Variants in ARHGAP26 observed in about 807,000 individuals in gnomAD.
ARHGAP26 encodes the protein Rho GTPase activating protein 26.
In ARHGAP26, 38 loss-of-function variants were observed where a neutral mutation model predicts 104.8. That is an observed-to-expected ratio of 0.36 (90% confidence interval 0.28 to 0.48). The LOEUF (loss-of-function observed/expected upper bound fraction) is 0.48, where lower values mean the gene tolerates loss of function less well. Among genes scored for constraint, ARHGAP26 ranks in the 20% least tolerant of loss-of-function variants. ARHGAP26 has a pLI of 0.99. For missense variants in ARHGAP26, 704 were observed against 947.9 expected, an observed-to-expected ratio of 0.74 and a Z score of 3.38; for synonymous variants, 341 against 340.0, an observed-to-expected ratio of 1.00 and a Z score of -0.03.
intron 11 of ARHGAP26, among the ~76,000 whole-genome samples, chr5:142,963,576 C>T (rs1770773779): frequency 6.6e-6 from 1 of 152,088 alleles, no homozygotes; most frequent in Non-Finnish European, 1.5e-5. Flanking sequence ...ACCGTACTTA[C>T]AAAACAAATT....
In ARHGAP26 at chr5:143,088,477, A is replaced by AG. The variant is rs373462759; in HGVS notation, c.1538+30730_1538+30731insG. 3.5e-3 allele frequency among the ~76,000 whole-genome samples: 526 copies of AG among 152,284 alleles called. 5 individuals carry two copies. Among genetic ancestry groups the AG allele is most frequent in the African/African-American group, 0.011 (477 of 41,528 alleles). On this transcript the variant is annotated intron_variant, in intron 17 of 22. Transcript: ENST00000645722. ...GGGTTTGGACCAAATTGTTAAAAAA[A>AG]AAAAGTGGTTATGTCTTTATTATTT...
intron 1 of ARHGAP26, among the ~76,000 whole-genome samples, chr5:142,786,153 T>C (rs973768487): frequency 1.3e-5 from 2 of 151,876 alleles, no homozygotes; most frequent in East Asian, 3.9e-4. Context: ...AAACATTTTT[T>C]TTTTTTTTTG....
chr5:143,139,935 G>A (rs1300860551), intron 19 of ARHGAP26, among the ~76,000 whole-genome samples: 1 of 152,218 alleles, frequency 6.6e-6, no homozygotes, highest in Non-Finnish European at 1.5e-5. Context: ...GTACCTTATA[G>A]ATTTCTTCCA....
intron 22 of ARHGAP26, among the ~76,000 whole-genome samples, chr5:143,219,764 C>A (rs543235136): frequency 6.6e-6 from 1 of 152,322 alleles, no homozygotes; most frequent in East Asian, 1.9e-4. Context: ...ATACAGGTTC[C>A]TGTGTCCCAT....
At chr5:142,964,678 A>G (rs187959032) in intron 11 of ARHGAP26, among the ~76,000 whole-genome samples, 10 of 152,272 alleles carry the variant, frequency 6.6e-5, no homozygotes, top group Admixed American at 5.9e-4. Flanking sequence ...CAAGTTTCAA[A>G]AAGACTAGGA....
chr5:142,974,999 A>T (rs1365094248), intron 11 of ARHGAP26, among the ~76,000 whole-genome samples: 1 of 152,084 alleles, frequency 6.6e-6, no homozygotes, highest in Non-Finnish European at 1.5e-5. Context: ...TCTAGCACCA[A>T]ACCTCCCTCT....
chr5:143,038,755 A>G (rs1474665050), intron 13 of ARHGAP26, among the ~76,000 whole-genome samples: 2 of 136,238 alleles, frequency 1.5e-5, no homozygotes, highest in African/African-American at 2.8e-5. Context: ...GAGTGCAGTA[A>G]TGCAGTCTCG....
At chr5:142,970,148 T>G (rs1772040312) in intron 11 of ARHGAP26, among the ~76,000 whole-genome samples, 1 of 152,170 alleles carries the variant, frequency 6.6e-6, no homozygotes, top group South Asian at 2.1e-4. Context: ...GTAGGAAAAT[T>G]CCCACTGAGC....
rs534067397 is a variant in ARHGAP26 at position 142,890,084 on chromosome 5, C to T, written c.487-4154C>T. ...CTGGGAGGCGGAGGTTGCGGTGAGC[C>T]GAATTCGCGCCATTGTACTCCAGCC... On this transcript the variant is annotated intron_variant, in intron 5 of 22. Coordinates refer to ENST00000645722, the MANE Select transcript of ARHGAP26 (RefSeq NM_001135608.3). Among the ~76,000 whole-genome samples the T allele has an allele frequency of 1.5e-4, 20 of 137,830 alleles. No individual in the cohort carries two copies. The South Asian group carries it at 3.5e-3, about 24-fold the overall frequency. 90.4% of individuals were successfully genotyped at this position (137,830 alleles called of 152,430 possible). A position where few individuals can be genotyped will look rare whatever the true frequency, so the allele number is the denominator to read the frequency against.
At chr5:142,793,252 C>CTTTTTTTTTTTTTT (rs56941301) in intron 1 of ARHGAP26, among the ~76,000 whole-genome samples, 2 of 107,174 alleles carry the variant, frequency 1.9e-5, no homozygotes, top group East Asian at 6.4e-4. Flanking sequence ...TATCCCTTTG[C>CTTTTTTTTTTTTTT]TTTTTTTTTT....
intron 10 of ARHGAP26, among the ~76,000 whole-genome samples, chr5:142,914,751 T>C (rs1247738391): frequency 6.6e-6 from 1 of 152,178 alleles, no homozygotes; most frequent in East Asian, 1.9e-4. Context: ...GCAAACAGCC[T>C]TCCCCAAACC....
At chr5:142,913,737 A>G (rs951834632) in intron 10 of ARHGAP26, among the ~76,000 whole-genome samples, 9 of 152,202 alleles carry the variant, frequency 5.9e-5, no homozygotes, top group Non-Finnish European at 1.2e-4. Context: ...TTTCTCAAAT[A>G]AAAAAACAGC....
At chr5:143,049,754 T>G (rs1299386934) in intron 14 of ARHGAP26, among the ~76,000 whole-genome samples, 1 of 152,244 alleles carries the variant, frequency 6.6e-6, no homozygotes, top group African/African-American at 2.4e-5. Context: ...CTGGTATTCT[T>G]AAAGCTTTCA....
chr5:143,180,418 A>T (rs1429287209), intron 20 of ARHGAP26, among the ~76,000 whole-genome samples: 1 of 152,118 alleles, frequency 6.6e-6, no homozygotes, highest in Non-Finnish European at 1.5e-5. Flanking sequence ...GCCACCTTAA[A>T]TTCTCTTCTT....
intron 11 of ARHGAP26, chr5:143,010,732 G>A (rs1486441958): frequency 1.3e-5 from 2 of 152,152 alleles, no homozygotes. Flanking sequence ...GGGGTCTCCC[G>A]AGACCCAGGA....
chr5:142,939,842 G>A (rs749734999), intron 11 of ARHGAP26, among the ~76,000 whole-genome samples: 15 of 152,162 alleles, frequency 9.9e-5, no homozygotes, highest in Admixed American at 6.5e-4. Context: ...ATATGTAAAT[G>A]CCTGTACATG....
intron 21 of ARHGAP26, among the ~76,000 whole-genome samples, chr5:143,208,677 T>C (rs1383182142): frequency 6.6e-6 from 1 of 152,298 alleles, no homozygotes; most frequent in Admixed American, 6.5e-5. Context: ...AGCTCAGCAC[T>C]CTTTCCTCCA....
intron 1 of ARHGAP26, among the ~76,000 whole-genome samples, chr5:142,862,565 T>G (rs1753558030): frequency 6.6e-6 from 1 of 152,228 alleles, no homozygotes; most frequent in African/African-American, 2.4e-5. Context: ...GGCAGTCTTT[T>G]GATAACTCCC....
intron 1 of ARHGAP26, among the ~76,000 whole-genome samples, chr5:142,780,680 T>C (rs904324403): frequency 3.7e-4 from 56 of 152,250 alleles, no homozygotes; most frequent in Non-Finnish European, 7.3e-5. Context: ...CTTGTTTGTG[T>C]TCCTAGTGAT....
Sources: gnomAD v4.1 joint callset for allele counts (sites outside exome capture counted in the v4.1 genomes callset) on GRCh38, gnomAD v4.1.1 for gene constraint, MANE v1.5 for transcripts, NCBI Gene and HGNC (gene_info 2026-07-23, HGNC 2026-07-21) for gene names.